The following B3GALT1 variants were observed in gnomAD, a reference collection of about 807,000 sequenced individuals.
B3GALT1 encodes the protein UDP-Gal:betaGlcNAc beta 1,3-galactosyltransferase, polypeptide 1.
B3GALT1 carries 10 observed loss-of-function variants against 23.2 expected under a neutral mutation model. The ratio of observed to expected loss-of-function variants is 0.43; its 90% confidence interval spans 0.27 to 0.73. B3GALT1 has a LOEUF of 0.73. Ranked by LOEUF, B3GALT1 falls within the 30% of genes least tolerant of loss-of-function variation. The probability of loss-of-function intolerance (pLI) is 0.21; values close to 1 mark genes in which losing one functional copy is unlikely to be tolerated. For missense variants in B3GALT1, 299 were observed against 405.4 expected (o/e 0.74, Z 2.25); for synonymous variants, 156 against 141.5 (o/e 1.10, Z -0.73).
intron 2 of B3GALT1, among the ~76,000 whole-genome samples, chr2:167,518,672 C>T (rs1048733230): frequency 2.6e-5 from 4 of 152,138 alleles, no homozygotes; most frequent in African/African-American, 7.2e-5. Context: ...AACCAAGTCT[C>T]GGGATGTGCA....
At chr2:167,557,728 A>G (rs913348912) in intron 2 of B3GALT1, among the ~76,000 whole-genome samples, 1 of 152,140 alleles carries the variant, frequency 6.6e-6, no homozygotes, top group Non-Finnish European at 1.5e-5. Flanking sequence ...AGTTTCTTTA[A>G]CTCACCCAAA....
At chr2:167,297,404 A>AAT (rs1256543624) in intron 1 of B3GALT1, among the ~76,000 whole-genome samples, 5 of 151,888 alleles carry the variant, frequency 3.3e-5, no homozygotes, top group Admixed American at 3.3e-4. Flanking sequence ...TTAAAAAAAA[A>AAT]AAACTAGGTT....
Position 167,704,019 on chromosome 2 carries a change from A to T in B3GALT1, c.-352+57053A>T, listed in dbSNP as rs889034026. ...ACACGGTGAAACCCCGTCTCTACTA[A>T]AAATACAAAAAATTAGCCGGGTGTG... On this transcript the variant is annotated intron_variant, in intron 3 of 4. Coordinates refer to ENST00000392690, the MANE Select transcript of B3GALT1 (RefSeq NM_020981.4). Among the ~76,000 whole-genome samples the T allele has an allele frequency of 5.3e-5, 8 of 152,064 alleles. No homozygotes were observed. The East Asian group carries it at 1.6e-3, about 30-fold the overall frequency.
At chr2:167,595,029 G>T (rs1684752279) in intron 2 of B3GALT1, among the ~76,000 whole-genome samples, 1 of 152,136 alleles carries the variant, frequency 6.6e-6, no homozygotes, top group Non-Finnish European at 1.5e-5. Flanking sequence ...CACTTGATCT[G>T]TCCATCAAGG....
At chr2:167,415,448 A>G (rs1026376173) in intron 1 of B3GALT1, among the ~76,000 whole-genome samples, 3 of 152,156 alleles carry the variant, frequency 2.0e-5, no homozygotes, top group African/African-American at 7.2e-5. Flanking sequence ...CCAGTTTCAA[A>G]TATTCTTTTA....
intron 2 of B3GALT1, among the ~76,000 whole-genome samples, chr2:167,594,388 C>A (rs1684740247): frequency 6.6e-6 from 1 of 152,060 alleles, no homozygotes; most frequent in Non-Finnish European, 1.5e-5. Context: ...AAATAGTATT[C>A]CAGATCAATT....
At chr2:167,668,485 G>A (rs1382019606) in intron 3 of B3GALT1, among the ~76,000 whole-genome samples, 2 of 152,104 alleles carry the variant, frequency 1.3e-5, no homozygotes, top group African/African-American at 2.4e-5. Context: ...CACCCAGTTC[G>A]AGCTTCCCGG....
At chr2:167,553,659 T>C (rs1683790148) in intron 2 of B3GALT1, among the ~76,000 whole-genome samples, 1 of 152,202 alleles carries the variant, frequency 6.6e-6, no homozygotes, top group African/African-American at 2.4e-5. Context: ...GGCTTAGATC[T>C]TTTTTAGACC....
intron 2 of B3GALT1, among the ~76,000 whole-genome samples, chr2:167,537,222 A>G (rs1490104827): frequency 1.3e-5 from 2 of 152,118 alleles, no homozygotes; most frequent in African/African-American, 4.8e-5. Context: ...TTATAAAACC[A>G]TCAGGTCTCA....
In B3GALT1 at chr2:167,322,300, GA is replaced by G. The variant is rs977235655; in HGVS notation, c.-511+28976del. Reference sequence around the variant, plus strand: ...AAATATATTTAATAGTTGAGTTTCTGAAAAAAAAAATAGACCAGTATCAAAA... The same window carrying G: ...AAATATATTTAATAGTTGAGTTTCTGAAAAAAAAATAGACCAGTATCAAAA... On this transcript the variant is annotated intron_variant, in intron 1 of 4. Transcript: ENST00000392690. 5.7e-4 allele frequency among the ~76,000 whole-genome samples: 82 copies of G among 144,612 alleles called. 1 individual carries two copies. Among genetic ancestry groups the G allele is most frequent in the Admixed American group, 8.2e-4 (12 of 14,572 alleles). 94.9% of individuals were successfully genotyped at this position (144,612 alleles called of 152,430 possible). A position where few individuals can be genotyped will look rare whatever the true frequency, so the allele number is the denominator to read the frequency against.
At chr2:167,612,665 A>G (rs949077314) in intron 2 of B3GALT1, among the ~76,000 whole-genome samples, 1 of 151,894 alleles carries the variant, frequency 6.6e-6, no homozygotes, top group African/African-American at 2.4e-5. Flanking sequence ...CAAATATTCT[A>G]TAATTACTTA....
rs1354154617 is a variant in B3GALT1 at position 167,525,489 on chromosome 2, A to G, written c.-410+35212A>G. Among the ~76,000 whole-genome samples the G allele has an allele frequency of 2.0e-5, 3 of 152,044 alleles. No homozygotes were observed. The South Asian group carries it at 6.2e-4, about 31-fold the overall frequency. On this transcript the variant is annotated intron_variant, in intron 2 of 4. Coordinates refer to ENST00000392690, the MANE Select transcript of B3GALT1 (RefSeq NM_020981.4). ...CATTTGTATTTTCTCTCTCACTTAT[A>G]TATTTATTCAGTCATTTATTTATAT...
chr2:167,793,710 T>A (rs184007454), intron 3 of B3GALT1, among the ~76,000 whole-genome samples: 4 of 152,326 alleles, frequency 2.6e-5, no homozygotes, highest in Admixed American at 2.0e-4. Flanking sequence ...ATTTTTATTT[T>A]TAGAAACAAA....
At chr2:167,733,229 T>G (rs1211483621) in intron 3 of B3GALT1, among the ~76,000 whole-genome samples, 1 of 152,176 alleles carries the variant, frequency 6.6e-6, no homozygotes, top group Non-Finnish European at 1.5e-5. Flanking sequence ...ACACCCTGGA[T>G]AACTTCTCAT....
chr2:167,873,050 C>T lies in B3GALT1; in HGVS notation c.*3030C>T, dbSNP rs1690382766. 6.6e-6 allele frequency: 1 copy of T among 152,140 alleles called. No homozygotes were observed. The highest frequency in any genetic ancestry group is 2.4e-5 in the African/African-American group (1 of 41,424). 9.4% of individuals were successfully genotyped at this position (152,140 alleles called of 1,614,324 possible). A position where few individuals can be genotyped will look rare whatever the true frequency, so the allele number is the denominator to read the frequency against. On this transcript the variant is annotated 3_prime_UTR_variant, in exon 5 of 5. Coordinates refer to ENST00000392690, the MANE Select transcript of B3GALT1 (RefSeq NM_020981.4). ...GACTTTTGTTAATTTTATGACATGA[C>T]ACTGGCCAAAATATTGTTTCAATTA... is the stretch of plus-strand genomic sequence containing the variant.
chr2:167,867,419 A>G (rs1319791543), intron 4 of B3GALT1, among the ~76,000 whole-genome samples: 3 of 152,164 alleles, frequency 2.0e-5, no homozygotes, highest in African/African-American at 7.2e-5. Flanking sequence ...ATGAAGGCCT[A>G]ACTATGCCTA....
intron 4 of B3GALT1, among the ~76,000 whole-genome samples, chr2:167,825,465 T>TGC (rs774307186): frequency 2.1e-5 from 3 of 139,860 alleles, no homozygotes; most frequent in East Asian, 2.0e-4. Context: ...TGCGTGCACG[T>TGC]GTGTGTGTGT....
chr2:167,417,993 T>A (rs1698494592), intron 1 of B3GALT1, among the ~76,000 whole-genome samples: 1 of 152,234 alleles, frequency 6.6e-6, no homozygotes, highest in African/African-American at 2.4e-5. Flanking sequence ...AGTTCCGCTG[T>A]GTTCTGCAGC....
chr2:167,508,145 T>G (rs1699948774), intron 2 of B3GALT1, among the ~76,000 whole-genome samples: 1 of 152,160 alleles, frequency 6.6e-6, no homozygotes, highest in African/African-American at 2.4e-5. Context: ...ACCATCACAT[T>G]GGGGTTAGGA....
Sources: allele counts gnomAD v4.1 joint callset (sites outside exome capture counted in the v4.1 genomes callset), GRCh38; gene constraint gnomAD v4.1.1; transcripts MANE v1.5; gene names NCBI Gene and HGNC (gene_info 2026-07-23, HGNC 2026-07-21).